The following ETV6 variants were observed in gnomAD, a reference collection of about 807,000 sequenced individuals.
ETV6 encodes ETS variant transcription factor 6, also known as transcription factor ETV6.
A neutral mutation model predicts 51.1 loss-of-function variants in ETV6; 16 were observed. The ratio of observed to expected loss-of-function variants is 0.31; its 90% confidence interval spans 0.21 to 0.48. The LOEUF (loss-of-function observed/expected upper bound fraction) is 0.48, where lower values mean the gene tolerates loss of function less well. Among genes scored for constraint, ETV6 ranks in the 20% least tolerant of loss-of-function variants. The probability of loss-of-function intolerance (pLI) is 0.99; values close to 1 mark genes in which losing one functional copy is unlikely to be tolerated. For missense variants in ETV6, 458 were observed against 594.8 expected (o/e 0.77, Z 2.39); for synonymous variants, 240 against 224.1 (o/e 1.07, Z -0.64).
At chr12:11,843,716 A>G (rs1422427011) in intron 3 of ETV6, among the ~76,000 whole-genome samples, 1 of 152,200 alleles carries the variant, frequency 6.6e-6, no homozygotes, top group Non-Finnish European at 1.5e-5. Context: ...CCTGAATGCC[A>G]TATTCTTTGA....
chr12:11,674,917 C>T (rs1203154372), intron 1 of ETV6, among the ~76,000 whole-genome samples: 6 of 152,232 alleles, frequency 3.9e-5, no homozygotes, highest in African/African-American at 9.6e-5. Context: ...TGGTGAGACC[C>T]GCTGCCCTCC....
intron 1 of ETV6, among the ~76,000 whole-genome samples, chr12:11,663,566 C>T (rs1403087818): frequency 6.6e-6 from 1 of 152,170 alleles, no homozygotes; most frequent in Non-Finnish European, 1.5e-5. Context: ...AGAAACCTAA[C>T]ATATAGATGT....
In ETV6 at chr12:11,681,562, T is replaced by TTTA. The variant is rs754940407; in HGVS notation, c.33+31416_33+31418dup. ...AAATTTTTTAAATTCTCACGTTTTA[T>TTTA]TTATTATTATTATTATCATTTATTA... On this transcript the variant is annotated intron_variant, in intron 1 of 7. Transcript: ENST00000396373. Among the ~76,000 whole-genome samples, 8 of 152,224 alleles carry TTTA rather than the reference T, an allele frequency of 5.3e-5. No individual in the cohort carries two copies. In the East Asian group the frequency reaches 1.5e-3, roughly 29 times the overall value.
chr12:11,810,880 AT>A, intron 2 of ETV6, among the ~76,000 whole-genome samples: 1 of 152,210 alleles, frequency 6.6e-6, no homozygotes, highest in East Asian at 1.9e-4. Context: ...TCACTGAGCG[AT>A]GGCCACCCAC....
chr12:11,784,784 A>G (rs753529356), intron 2 of ETV6, among the ~76,000 whole-genome samples: 1 of 151,722 alleles, frequency 6.6e-6, no homozygotes, highest in Non-Finnish European at 1.5e-5. Context: ...CTGCAGCCGC[A>G]AACTCTTGGG....
intron 1 of ETV6, among the ~76,000 whole-genome samples, chr12:11,718,146 G>A (rs1204234050): frequency 1.3e-5 from 2 of 152,160 alleles, no homozygotes. Context: ...GTGGTCCAAA[G>A]TGGGCAATAT....
rs183305984 is a variant in ETV6 at position 11,892,682 on chromosome 12, G to A, written c.*1636G>A. The A allele has an allele frequency of 8.6e-6, 2 of 232,958 alleles. No individual in the cohort carries two copies. The highest frequency in any genetic ancestry group is 6.0e-5 in the East Asian group (1 of 16,552). The allele number at this position is 232,958 out of a possible 1,614,324, so 14.4% of individuals were successfully genotyped here. A position where few individuals can be genotyped will look rare whatever the true frequency, so the allele number is the denominator to read the frequency against. ...TGGGGGAGAAACTCACAGCTCCTCCGGGATACATATGTGCCCTCAGCAGCA... is the reference window on the plus strand; with the variant it reads ...TGGGGGAGAAACTCACAGCTCCTCCAGGATACATATGTGCCCTCAGCAGCA... On this transcript the variant is annotated 3_prime_UTR_variant, in exon 8 of 8. Coordinates refer to ENST00000396373, the MANE Select transcript of ETV6 (RefSeq NM_001987.5).
chr12:11,666,956 G>A (rs1222757436), intron 1 of ETV6, among the ~76,000 whole-genome samples: 1 of 152,180 alleles, frequency 6.6e-6, no homozygotes. Context: ...GCTCACATGG[G>A]CTCCTCGAGG....
intron 2 of ETV6, among the ~76,000 whole-genome samples, chr12:11,754,304 T>C (rs1282905151): frequency 6.6e-6 from 1 of 152,148 alleles, no homozygotes; most frequent in Non-Finnish European, 1.5e-5. Context: ...ACTTAAATTC[T>C]AGCACAGAGA....
rs80327304 is a variant in ETV6 at position 11,766,922 on chromosome 12, T to A, written c.163+14343T>A. ...GGGCTCTGTGCTGGGTGGACGATATTCTTGTACCTGAACATGTCATTTTCT... is the reference window on the plus strand; with the variant it reads ...GGGCTCTGTGCTGGGTGGACGATATACTTGTACCTGAACATGTCATTTTCT... On this transcript the variant is annotated intron_variant, in intron 2 of 7. Coordinates refer to ENST00000396373, the MANE Select transcript of ETV6 (RefSeq NM_001987.5). 3.8e-3 allele frequency among the ~76,000 whole-genome samples: 578 copies of A among 152,304 alleles called. 3 individuals carry two copies. The highest frequency in any genetic ancestry group is 0.013 in the African/African-American group (539 of 41,578).
At chr12:11,706,416 T>C (rs953316566) in intron 1 of ETV6, among the ~76,000 whole-genome samples, 1 of 152,192 alleles carries the variant, frequency 6.6e-6, no homozygotes, top group African/African-American at 2.4e-5. Context: ...ATTGCAAGAT[T>C]GTTTCTTGTA....
At chr12:11,704,330 A>G (rs1348825173) in intron 1 of ETV6, among the ~76,000 whole-genome samples, 1 of 152,130 alleles carries the variant, frequency 6.6e-6, no homozygotes, top group African/African-American at 2.4e-5. Flanking sequence ...AAGAAGGGGA[A>G]GAGGAGTGAG....
At chr12:11,770,611 C>T (rs967629424) in intron 2 of ETV6, among the ~76,000 whole-genome samples, 2 of 152,200 alleles carry the variant, frequency 1.3e-5, no homozygotes, top group Non-Finnish European at 2.9e-5. Context: ...TACTTATCTT[C>T]CAATAACCTT....
At chr12:11,890,850 G>C (rs1947275596) in intron 7 of ETV6, 91 bp from the exon 8 acceptor site, 2 of 952,468 alleles carry the variant, frequency 2.1e-6, no homozygotes, top group South Asian at 2.6e-5. Context: ...ATAAGATGAT[G>C]GAGTCTTTCT....
chr12:11,755,200 A>G (rs186331573), intron 2 of ETV6, among the ~76,000 whole-genome samples: 13 of 152,282 alleles, frequency 8.5e-5, no homozygotes, highest in East Asian at 1.9e-4. Flanking sequence ...TGTCTGTTCT[A>G]TCTGTTGTTG....
At chr12:11,771,768 C>A (rs564342454) in intron 2 of ETV6, among the ~76,000 whole-genome samples, 1 of 152,226 alleles carries the variant, frequency 6.6e-6, no homozygotes, top group African/African-American at 2.4e-5. Context: ...AACCAAGACT[C>A]TTCTGAGAAT....
At chr12:11,835,076 A>G (rs1200395829) in intron 2 of ETV6, among the ~76,000 whole-genome samples, 1 of 152,192 alleles carries the variant, frequency 6.6e-6, no homozygotes, top group Non-Finnish European at 1.5e-5. Context: ...TAAAGCATGG[A>G]ATTGAAGAAA....
intron 1 of ETV6, among the ~76,000 whole-genome samples, chr12:11,703,259 AAAT>A (rs1216395829): frequency 1.3e-5 from 2 of 150,658 alleles, no homozygotes; most frequent in African/African-American, 4.8e-5. Context: ...AATATACTAA[AAAT>A]AATGAGTTTC....
At chr12:11,738,022 C>A (rs536039030) in intron 1 of ETV6, among the ~76,000 whole-genome samples, 1 of 151,938 alleles carries the variant, frequency 6.6e-6, no homozygotes, top group African/African-American at 2.4e-5. Flanking sequence ...ATGCAAGTTG[C>A]ATTAAACTGT....
Sources: gnomAD v4.1 joint callset for allele counts (sites outside exome capture counted in the v4.1 genomes callset) on GRCh38, gnomAD v4.1.1 for gene constraint, MANE v1.5 for transcripts, NCBI Gene and HGNC (gene_info 2026-07-23, HGNC 2026-07-21) for gene names.